GLIS3: variants seen among roughly 807,000 people sequenced by gnomAD.
GLIS3 encodes GLIS family zinc finger 3, also known as zinc finger protein GLIS3.
Under a neutral mutation model 78.6 loss-of-function variants are expected in GLIS3, and 53 were observed. That is an observed-to-expected ratio of 0.67 (90% CI 0.54 to 0.85). GLIS3 has a LOEUF of 0.85. GLIS3 is among the 40% of genes least tolerant of loss of function. The probability of loss-of-function intolerance (pLI) is 0.00; values close to 1 mark genes in which losing one functional copy is unlikely to be tolerated. For missense variants in GLIS3, 1,703 were observed against 1,231.1 expected (o/e 1.38, Z -5.74); for synonymous variants, 684 against 509.9 (o/e 1.34, Z -4.60).
intron 5 of GLIS3, chr9:3,932,977 A>G: frequency 3.8e-6 from 1 of 261,000 alleles, no homozygotes; most frequent in Non-Finnish European, 7.8e-6. Flanking sequence ...AAAGTGAGTA[A>G]GAGACAGTAG....
At chr9:4,330,625 G>GA (rs376420565) in intron 2 of GLIS3, among the ~76,000 whole-genome samples, 15 of 13,094 alleles carry the variant, frequency 1.1e-3, no homozygotes, top group Admixed American at 2.3e-3. Flanking sequence ...GGTGAAGGTT[G>GA]GATGGAGATG....
At chr9:4,398,936 C>G in the GLIS3 span, among the ~76,000 whole-genome samples, 9 of 152,150 alleles carry the variant, frequency 5.9e-5, no homozygotes, top group African/African-American at 2.2e-4. Context: ...ATCCACCTAC[C>G]TTGGCCTCTC....
chr9:3,921,715 T>C (rs1315063444), intron 6 of GLIS3, among the ~76,000 whole-genome samples: 1 of 152,150 alleles, frequency 6.6e-6, no homozygotes, highest in African/African-American at 2.4e-5. Context: ...TACTAAAATA[T>C]ATGCAATATT....
At chr9:3,962,712 T>A (rs780270140) in intron 4 of GLIS3, among the ~76,000 whole-genome samples, 2 of 152,240 alleles carry the variant, frequency 1.3e-5, no homozygotes, top group East Asian at 3.9e-4. Context: ...AAGGGGGGAA[T>A]GTGAAGTCCA....
intron 2 of GLIS3, among the ~76,000 whole-genome samples, chr9:4,236,204 A>AAAAAAAAAAAAAAAAAAAAAG (rs536737911): frequency 2.5e-4 from 22 of 86,378 alleles, no homozygotes; most frequent in Admixed American, 4.8e-4. Flanking sequence ...AAAAAAAAAA[A>AAAAAAAAAAAAAAAAAAAAAG]AAAGAAAGAA....
At chr9:4,192,964 C>T (rs374137355) in intron 2 of GLIS3, among the ~76,000 whole-genome samples, 23 of 152,310 alleles carry the variant, frequency 1.5e-4, no homozygotes, top group East Asian at 5.8e-4. Context: ...CTGAAGAGTG[C>T]AGTGCAAGCT....
chr9:4,408,678 G>C, the GLIS3 span, among the ~76,000 whole-genome samples: 1 of 118,768 alleles, frequency 8.4e-6, no homozygotes, highest in African/African-American at 3.5e-5. Context: ...AGTGAGCCGA[G>C]ATCACGCCAC....
At chr9:4,393,489 A>G in the GLIS3 span, among the ~76,000 whole-genome samples, 4 of 152,310 alleles carry the variant, frequency 2.6e-5, no homozygotes, top group Admixed American at 2.0e-4. Flanking sequence ...GCCTTATAAT[A>G]TCTTTTCTAA....
rs558889038 is a variant in GLIS3, at chr9:3,905,909, A to G, written c.1984-7074T>C. Among the ~76,000 whole-genome samples, 7 of 152,262 alleles carry G rather than the reference A, an allele frequency of 4.6e-5. No individual in the cohort carries two copies. In the East Asian group the frequency reaches 1.2e-3, roughly 25 times the overall value. On this transcript the variant is annotated intron_variant, in intron 6 of 10. Coordinates refer to ENST00000381971, the MANE Select transcript of GLIS3 (RefSeq NM_001042413.2). ...CTCTGTAGGGATGATGCACACCTCT[A>G]TCTACATGCTCCCCACATGCTATTC...
At chr9:4,043,296 G>A (rs1243691316) in intron 4 of GLIS3, among the ~76,000 whole-genome samples, 1 of 152,114 alleles carries the variant, frequency 6.6e-6, no homozygotes, top group Non-Finnish European at 1.5e-5. Context: ...AGTGTAGAGT[G>A]TTGAGCAAGA....
At chr9:4,463,599 A>G in the GLIS3 span, among the ~76,000 whole-genome samples, 2 of 152,236 alleles carry the variant, frequency 1.3e-5, no homozygotes, top group Admixed American at 6.5e-5. Context: ...GCCTAGAGAT[A>G]TCTGCTGTTT....
intron 2 of GLIS3, among the ~76,000 whole-genome samples, chr9:4,246,913 G>C (rs1823855913): frequency 2.0e-5 from 3 of 152,038 alleles, no homozygotes; most frequent in Admixed American, 1.3e-4. Context: ...TTTTCACATT[G>C]TTTACCCAAA....
At chr9:3,859,083 G>C (rs1353683076) in intron 8 of GLIS3, among the ~76,000 whole-genome samples, 3 of 152,162 alleles carry the variant, frequency 2.0e-5, no homozygotes, top group Admixed American at 6.5e-5. Flanking sequence ...CTTCCTGTTT[G>C]AGGTAAGGTC....
At chr9:4,402,412 G>T in the GLIS3 span, among the ~76,000 whole-genome samples, 1 of 152,190 alleles carries the variant, frequency 6.6e-6, no homozygotes, top group African/African-American at 2.4e-5. Flanking sequence ...TCAATGTCCA[G>T]ACTGTGATGA....
At chr9:4,338,667 A>G (rs1238071799) in intron 2 of GLIS3, among the ~76,000 whole-genome samples, 1 of 152,198 alleles carries the variant, frequency 6.6e-6, no homozygotes, top group East Asian at 1.9e-4. Flanking sequence ...CCCAGGGAGA[A>G]AAAGGAACTG....
chr9:3,831,943 G>C lies in GLIS3; in HGVS notation c.2474-2451C>G, dbSNP rs547508928. ...AAGATGGCAAGTTACCATATCTATA[G>C]TTGTCTTTGGGTATTTTTTTTTTGC... On this transcript the variant is annotated intron_variant, in intron 9 of 10. Coordinates refer to ENST00000381971, the MANE Select transcript of GLIS3 (RefSeq NM_001042413.2). Among the ~76,000 whole-genome samples the C allele has an allele frequency of 7.3e-5, 11 of 151,704 alleles. 1 individual carries two copies. The South Asian group carries it at 1.2e-3, about 17-fold the overall frequency.
At chr9:4,379,504 G>A in the GLIS3 span, among the ~76,000 whole-genome samples, 6 of 152,320 alleles carry the variant, frequency 3.9e-5, no homozygotes, top group African/African-American at 1.4e-4. Flanking sequence ...ACTATCTAGA[G>A]ATGGGAGATC....
intron 2 of GLIS3, among the ~76,000 whole-genome samples, chr9:4,140,359 C>T (rs1664781529): frequency 1.3e-5 from 2 of 152,052 alleles, no homozygotes; most frequent in Non-Finnish European, 2.9e-5. Context: ...AAAAAAGCCA[C>T]CAGACTACCT....
At chr9:3,967,700 G>C (rs1168063009) in intron 4 of GLIS3, among the ~76,000 whole-genome samples, 3 of 152,136 alleles carry the variant, frequency 2.0e-5, no homozygotes, top group Non-Finnish European at 4.4e-5. Flanking sequence ...AAGTGACCTG[G>C]AGAGATATCC....
Sources: allele counts gnomAD v4.1 joint callset (sites outside exome capture counted in the v4.1 genomes callset), GRCh38; gene constraint gnomAD v4.1.1; transcripts MANE v1.5; gene names NCBI Gene and HGNC (gene_info 2026-07-23, HGNC 2026-07-21).